Variants in SMAP1 observed in about 807,000 individuals in gnomAD.
SMAP1 encodes the protein stromal membrane-associated protein 1.
SMAP1 carries 24 observed loss-of-function variants against 58.5 expected under a neutral mutation model. That is an observed-to-expected ratio of 0.41 (90% CI 0.30 to 0.58). The LOEUF (loss-of-function observed/expected upper bound fraction) is 0.58, where lower values mean the gene tolerates loss of function less well. SMAP1 is among the 20% of genes least tolerant of loss of function. SMAP1 has a pLI of 0.29. For synonymous variants in SMAP1, 216 were observed against 196.6 expected (o/e 1.10, Z -0.82); for missense variants, 563 against 566.3 (o/e 0.99, Z 0.06).
intron 1 of SMAP1, among the ~76,000 whole-genome samples, chr6:70,707,284 G>A (rs182450163): frequency 9.8e-4 from 149 of 152,164 alleles, no homozygotes; most frequent in African/African-American, 3.3e-3. Context: ...TTTCATGAAT[G>A]TGATTTATTA....
At position 70,860,720 on chromosome 6, in the gene SMAP1, C is replaced by T. The variant is rs541283840; in HGVS notation, c.*386C>T. The T allele has an allele frequency of 1.1e-4, 44 of 403,286 alleles. No individual in the cohort carries two copies. The highest frequency in any genetic ancestry group is 8.8e-4 in the African/African-American group (43 of 48,790). The allele number at this position is 403,286 out of a possible 1,614,324, so 25.0% of individuals were successfully genotyped here. ...CCCACCCCAAAATTAGCCAGTAATC[C>T]TGTAGGAAGGTACTGTATGATCAAA... is the stretch of plus-strand genomic sequence containing the variant. On this transcript the variant is annotated 3_prime_UTR_variant, in exon 11 of 11. Coordinates refer to ENST00000370455, the MANE Select transcript of SMAP1 (RefSeq NM_001044305.3).
rs549858081 is a variant in SMAP1 at position 70,787,638 on chromosome 6, A to T, written c.415-4051A>T. On this transcript the variant is annotated intron_variant, in intron 4 of 10. Coordinates refer to ENST00000370455, the MANE Select transcript of SMAP1 (RefSeq NM_001044305.3). ...AACAACCCCATCAAAAAGTGGGCAA[A>T]GGATATGAACAGACACTTCTCAAAA... Among the ~76,000 whole-genome samples the T allele has an allele frequency of 6.3e-3, 958 of 152,324 alleles. 6 individuals carry two copies. The highest frequency in any genetic ancestry group is 0.022 in the African/African-American group (916 of 41,558).
At chr6:70,805,901 C>T (rs963664660) in intron 6 of SMAP1, among the ~76,000 whole-genome samples, 9 of 152,170 alleles carry the variant, frequency 5.9e-5, no homozygotes, top group African/African-American at 1.9e-4. Flanking sequence ...GGGTACCCAC[C>T]TGTGTGAGGT....
intron 6 of SMAP1, among the ~76,000 whole-genome samples, chr6:70,829,937 C>T (rs1770290526): frequency 1.3e-5 from 2 of 152,042 alleles, no homozygotes; most frequent in Admixed American, 1.3e-4. Flanking sequence ...GGAGTTGGGA[C>T]CTAAATAGTT....
intron 8 of SMAP1, among the ~76,000 whole-genome samples, chr6:70,856,081 T>C (rs1204577141): frequency 1.3e-5 from 2 of 152,210 alleles, no homozygotes; most frequent in Non-Finnish European, 2.9e-5. Context: ...CTAGTCTTCA[T>C]AGAATTCTTT....
chr6:70,837,057 TG>T, intron 7 of SMAP1, 29 bp downstream of exon 7: 1 of 1,489,328 alleles, frequency 6.7e-7, no homozygotes, highest in South Asian at 1.3e-5. Flanking sequence ...AAGTCACTGC[TG>T]GAGTTACAAA....
chr6:70,787,855 C>A (rs1047572910), intron 4 of SMAP1, among the ~76,000 whole-genome samples: 6 of 149,388 alleles, frequency 4.0e-5, no homozygotes, highest in Non-Finnish European at 7.5e-5. Context: ...GTTGTTGGGA[C>A]TGTACACTAG....
chr6:70,849,560 G>A (rs1647216167), intron 7 of SMAP1, among the ~76,000 whole-genome samples: 1 of 152,118 alleles, frequency 6.6e-6, no homozygotes. Flanking sequence ...TGCTTTTATG[G>A]TGAAAATCTG....
chr6:70,769,928 G>C (rs1307415559), intron 3 of SMAP1, among the ~76,000 whole-genome samples: 2 of 151,570 alleles, frequency 1.3e-5, no homozygotes, highest in African/African-American at 2.4e-5. Flanking sequence ...TCCTTCAGGA[G>C]CTCTCTTAGG....
chr6:70,723,026 C>T (rs189960421), intron 1 of SMAP1, among the ~76,000 whole-genome samples: 1 of 152,342 alleles, frequency 6.6e-6, no homozygotes, highest in East Asian at 1.9e-4. Context: ...GTTGTTTGGG[C>T]AGCAACCGCT....
At chr6:70,774,359 C>T (rs1478401859) in intron 4 of SMAP1, among the ~76,000 whole-genome samples, 1 of 152,058 alleles carries the variant, frequency 6.6e-6, no homozygotes, top group Non-Finnish European at 1.5e-5. Context: ...CATTTTTGGA[C>T]TTTGATTCCT....
At chr6:70,845,051 C>G (rs980464592) in intron 7 of SMAP1, among the ~76,000 whole-genome samples, 6 of 152,082 alleles carry the variant, frequency 3.9e-5, no homozygotes, top group Non-Finnish European at 8.8e-5. Context: ...TTCATTGTAG[C>G]AAGGGTGTAC....
chr6:70,784,327 G>A (rs541340982), intron 4 of SMAP1, among the ~76,000 whole-genome samples: 85 of 152,052 alleles, frequency 5.6e-4, no homozygotes, highest in African/African-American at 1.6e-3. Context: ...AGGAACAACC[G>A]GTACCAGCCA....
chr6:70,813,881 A>G (rs1313278492), intron 6 of SMAP1, among the ~76,000 whole-genome samples: 1 of 152,182 alleles, frequency 6.6e-6, no homozygotes, highest in Non-Finnish European at 1.5e-5. Flanking sequence ...GCAGACATAT[A>G]CAATTTTATC....
At chr6:70,673,761 C>T (rs746293196) in intron 1 of SMAP1, among the ~76,000 whole-genome samples, 2 of 152,142 alleles carry the variant, frequency 1.3e-5, no homozygotes, top group Admixed American at 6.6e-5. Flanking sequence ...CTGCTGATCT[C>T]GAGGTTTTTC....
At chr6:70,788,947 C>G (rs1768213485) in intron 4 of SMAP1, among the ~76,000 whole-genome samples, 1 of 152,078 alleles carries the variant, frequency 6.6e-6, no homozygotes, top group South Asian at 2.1e-4. Context: ...AGGACTAATC[C>G]AGAAGATGGA....
At chr6:70,823,585 A>G (rs34336229) in intron 6 of SMAP1, among the ~76,000 whole-genome samples, 19,496 of 152,206 alleles carry the variant, frequency 0.13, 1,636 homozygotes, top group East Asian at 0.21. Flanking sequence ...TGCAGATACC[A>G]TAATCCACAA....
intron 6 of SMAP1, among the ~76,000 whole-genome samples, chr6:70,808,546 C>T (rs1381632694): frequency 6.6e-6 from 1 of 152,198 alleles, no homozygotes; most frequent in African/African-American, 2.4e-5. Context: ...CCTGATCCAT[C>T]AGTCACTTAA....
At chr6:70,832,930 C>G (rs560904437) in intron 6 of SMAP1, among the ~76,000 whole-genome samples, 1 of 152,116 alleles carries the variant, frequency 6.6e-6, no homozygotes, top group Non-Finnish European at 1.5e-5. Flanking sequence ...TCTCCTGAGT[C>G]TGTATTTTAA....
Sources: gnomAD v4.1 joint callset for allele counts (sites outside exome capture counted in the v4.1 genomes callset) on GRCh38, gnomAD v4.1.1 for gene constraint, MANE v1.5 for transcripts, NCBI Gene and HGNC (gene_info 2026-07-23, HGNC 2026-07-21) for gene names.